Variants in KDM7A observed in about 807,000 individuals in gnomAD.
KDM7A encodes lysine demethylase 7A.
Under a neutral mutation model 114.8 loss-of-function variants are expected in KDM7A, and 28 were observed. That is an observed-to-expected ratio of 0.24 (90% confidence interval 0.18 to 0.33). The LOEUF (loss-of-function observed/expected upper bound fraction) is 0.33. Ranked by LOEUF, KDM7A falls within the 10% of genes least tolerant of loss-of-function variation. KDM7A has a pLI of 1.00. For missense variants in KDM7A, 942 were observed against 1,142.5 expected (o/e 0.82, Z 2.53); for synonymous variants, 423 against 397.8 (o/e 1.06, Z -0.75).
chr7:140,169,160 T>C (rs1383636068), intron 1 of KDM7A, among the ~76,000 whole-genome samples: 1 of 152,160 alleles, frequency 6.6e-6, no homozygotes, highest in Non-Finnish European at 1.5e-5. Context: ...CAAGTTACCA[T>C]TAACTCAACC....
chr7:140,095,285 C>A (rs1445379841), intron 17 of KDM7A, among the ~76,000 whole-genome samples: 4 of 152,180 alleles, frequency 2.6e-5, no homozygotes, highest in Non-Finnish European at 4.4e-5. Context: ...TAGAAGTGTT[C>A]TCTTTCAAGG....
chr7:140,099,102 T>G lies in KDM7A; in HGVS notation c.1764-69A>C, dbSNP rs1818160692. ...TGTAGCCAAACAGTATTTATTCCCC[T>G]CTCCCTTAATTTACAAAGAGTAGAG... On this transcript the variant is annotated intron_variant, in intron 13 of 19. Coordinates refer to ENST00000397560, the MANE Select transcript of KDM7A (RefSeq NM_030647.2). 9.5e-6 allele frequency: 11 copies of G among 1,158,222 alleles called. No individual in the cohort carries two copies. The East Asian group carries it at 2.6e-4, about 27-fold the overall frequency. The allele number at this position is 1,158,222 out of a possible 1,614,324, so 71.7% of individuals were successfully genotyped here.
At chr7:140,134,142 AAAG>A (rs1192094207) in intron 2 of KDM7A, among the ~76,000 whole-genome samples, 8 of 152,198 alleles carry the variant, frequency 5.3e-5, no homozygotes, top group Non-Finnish European at 1.2e-4. Flanking sequence ...ACACTGACAT[AAAG>A]AAGAGCAGGT....
chr7:140,157,530 T>C (rs1794470634), intron 1 of KDM7A, among the ~76,000 whole-genome samples: 1 of 152,156 alleles, frequency 6.6e-6, no homozygotes, highest in African/African-American at 2.4e-5. Context: ...GGTGCATGCC[T>C]GTAGTCCCAG....
chr7:140,148,745 C>A (rs917595004), intron 1 of KDM7A, among the ~76,000 whole-genome samples: 1 of 152,102 alleles, frequency 6.6e-6, no homozygotes, highest in Non-Finnish European at 1.5e-5. Context: ...AGTGAAAAAT[C>A]AAACTGGTAA....
rs1585153981 is a variant in KDM7A at position 140,130,408 on chromosome 7, G to T, written c.399-755C>A. Reference sequence around the variant, plus strand: ...GGCTGAGGTGAGTGGATCACCTGAGGTCAGGAGTTTGAGACCAGCCTGACC... The same window carrying T: ...GGCTGAGGTGAGTGGATCACCTGAGTTCAGGAGTTTGAGACCAGCCTGACC... On this transcript the variant is annotated intron_variant, in intron 3 of 19. Transcript: ENST00000397560. Among the ~76,000 whole-genome samples the T allele has an allele frequency of 3.9e-5, 6 of 152,156 alleles. No homozygotes were observed. In the South Asian group the frequency reaches 1.2e-3, roughly 32 times the overall value.
In KDM7A at chr7:140,088,604, G is replaced by T. The variant is rs1817971566; in HGVS notation, c.*2490C>A. ...ATTATGGCCAGTAATGTTATAAGAC[G>T]TTTGACCAGGAGTCACTGGATCAGT... On this transcript the variant is annotated 3_prime_UTR_variant, in exon 20 of 20. Transcript: ENST00000397560. 5.0e-6 allele frequency: 2 copies of T among 397,536 alleles called. No homozygotes were observed. The highest frequency in any genetic ancestry group is 8.9e-6 in the Non-Finnish European group (2 of 225,356). 24.6% of individuals were successfully genotyped at this position (397,536 alleles called of 1,614,324 possible).
intron 1 of KDM7A, among the ~76,000 whole-genome samples, chr7:140,175,759 G>GTCC (rs534044723): frequency 3.3e-4 from 50 of 152,028 alleles, no homozygotes; most frequent in African/African-American, 1.1e-3. Flanking sequence ...AGAGGGCAGC[G>GTCC]TCCGCCGCCG....
At chr7:140,156,790 T>G (rs1037932983) in intron 1 of KDM7A, among the ~76,000 whole-genome samples, 4 of 152,132 alleles carry the variant, frequency 2.6e-5, no homozygotes, top group Non-Finnish European at 5.9e-5. Context: ...CAGCAAGAAG[T>G]ATTTCACAGA....
intron 9 of KDM7A, among the ~76,000 whole-genome samples, chr7:140,116,277 T>C (rs980694017): frequency 2.6e-5 from 4 of 151,794 alleles, no homozygotes; most frequent in Non-Finnish European, 4.4e-5. Flanking sequence ...TGTGTGTATA[T>C]CATAGTATAT....
chr7:140,141,463 GTA>G (rs1196619383), intron 1 of KDM7A, among the ~76,000 whole-genome samples: 1 of 152,104 alleles, frequency 6.6e-6, no homozygotes, highest in African/African-American at 2.4e-5. Flanking sequence ...CCAGATCCAT[GTA>G]TATGTGTGCA....
At chr7:140,160,725 A>G (rs1794509666) in intron 1 of KDM7A, among the ~76,000 whole-genome samples, 1 of 152,224 alleles carries the variant, frequency 6.6e-6, no homozygotes, top group African/African-American at 2.4e-5. Flanking sequence ...GTAAAGAATG[A>G]GAAAACTGAA....
At chr7:140,152,108 C>A (rs377658476) in intron 1 of KDM7A, among the ~76,000 whole-genome samples, 1 of 152,190 alleles carries the variant, frequency 6.6e-6, no homozygotes, top group Non-Finnish European at 1.5e-5. Context: ...GGAATAAACA[C>A]ATTCCAAACC....
chr7:140,100,689 C>CACATATATATAT (rs1562945966), intron 12 of KDM7A, among the ~76,000 whole-genome samples: 7 of 54,002 alleles, frequency 1.3e-4, no homozygotes, highest in East Asian at 5.7e-4. Flanking sequence ...TACATATATA[C>CACATATATATAT]ATATATATAT....
At chr7:140,153,216 G>A (rs759513388) in intron 1 of KDM7A, among the ~76,000 whole-genome samples, 5 of 151,904 alleles carry the variant, frequency 3.3e-5, no homozygotes, top group Non-Finnish European at 7.4e-5. Flanking sequence ...TACTTTGCAT[G>A]GTAGTGCAGG....
chr7:140,127,670 ATAAT>A (rs1383071631), intron 4 of KDM7A, 87 bp from the exon 5 acceptor site: 1 of 1,112,404 alleles, frequency 9.0e-7, no homozygotes, highest in East Asian at 2.4e-5. Context: ...ACTTGGTATG[ATAAT>A]TAAACCAACT....
rs1314819664 is a variant in KDM7A, at chr7:140,096,841, A to G, written c.2165+58T>C. ...TTTGGTAAAATTTAAAACTAAAAAAAGTGTTCATAGTATTTACCTTACAAT... is the reference window on the plus strand; with the variant it reads ...TTTGGTAAAATTTAAAACTAAAAAAGGTGTTCATAGTATTTACCTTACAAT... On this transcript the variant is annotated intron_variant, in intron 16 of 19. Coordinates refer to ENST00000397560, the MANE Select transcript of KDM7A (RefSeq NM_030647.2). 3 of 1,586,622 alleles carry G rather than the reference A, an allele frequency of 1.9e-6. No homozygotes were observed. In the African/African-American group the frequency reaches 4.1e-5, roughly 22 times the overall value.
At position 140,113,598 on chromosome 7, in the gene KDM7A, TGGGGTGAGAAAAAAAAATA is replaced by T. The variant is rs1483127746; in HGVS notation, c.1247-35_1247-17del. ...TCTCTCAGTTCTGTAGGAATGGAAA[TGGGGTGAGAAAAAAAAATA>T]GTTAAAATGTTCTAAAGTTAAAGGG... On this transcript the variant is annotated splice_polypyrimidine_tract_variant and intron_variant, in intron 9 of 19. Transcript: ENST00000397560. 7.2e-7 allele frequency: 1 copy of T among 1,397,316 alleles called. No homozygotes were observed. Among genetic ancestry groups the T allele is most frequent in the Non-Finnish European group, 1.0e-6 (1 of 996,724 alleles). The allele number at this position is 1,397,316 out of a possible 1,614,324, so 86.6% of individuals were successfully genotyped here. A position where few individuals can be genotyped will look rare whatever the true frequency, so the allele number is the denominator to read the frequency against.
chr7:140,168,466 G>A (rs1794602452), intron 1 of KDM7A, among the ~76,000 whole-genome samples: 1 of 152,016 alleles, frequency 6.6e-6, no homozygotes, highest in Admixed American at 6.6e-5. Context: ...TACTCAGGAG[G>A]CTGAGATGGA....
Sources: gnomAD v4.1 joint callset for allele counts (sites outside exome capture counted in the v4.1 genomes callset) on GRCh38, gnomAD v4.1.1 for gene constraint, MANE v1.5 for transcripts, NCBI Gene and HGNC (gene_info 2026-07-23, HGNC 2026-07-21) for gene names.